Variants in TNPO1 observed in about 807,000 individuals in gnomAD.
The protein encoded by TNPO1 is transportin-1.
In TNPO1, 8 loss-of-function variants were observed where a neutral mutation model predicts 119.5. The observed-to-expected ratio is 0.07, with a 90% CI of 0.04 to 0.12. The LOEUF (loss-of-function observed/expected upper bound fraction) is 0.12, where lower values mean the gene tolerates loss of function less well. TNPO1 is among the 10% of genes least tolerant of loss of function. The probability of loss-of-function intolerance (pLI) is 1.00; values close to 1 mark genes in which losing one functional copy is unlikely to be tolerated. For missense variants in TNPO1, 576 were observed against 1,089.8 expected (o/e 0.53, Z 6.64); for synonymous variants, 362 against 363.0 (o/e 1.00, Z 0.03).
At chr5:72,900,144 CT>C in intron 21 of TNPO1, 63 bp downstream of exon 21, 1 of 1,386,282 alleles carries the variant, frequency 7.2e-7, no homozygotes, top group South Asian at 1.2e-5. Flanking sequence ...CTCTATCTCA[CT>C]TTTAGATATA....
Position 72,887,062 on chromosome 5 carries a change from T to C in TNPO1, c.1151-8T>C, listed in dbSNP as rs761629248. ...AATGTAATATTTTTGAATTAAATAT[T>C]TCCTTAGGAAAATGTTCTGCTGCTG... On this transcript the variant is annotated splice_region_variant and splice_polypyrimidine_tract_variant and intron_variant, in intron 11 of 24. Coordinates refer to ENST00000337273, the MANE Select transcript of TNPO1 (RefSeq NM_002270.4). 3 of 1,601,746 alleles carry C rather than the reference T, an allele frequency of 1.9e-6. No individual in the cohort carries two copies. The highest frequency in any genetic ancestry group is 2.6e-6 in the Non-Finnish European group (3 of 1,174,422).
chr5:72,845,467 T>C (rs886895792), intron 1 of TNPO1, among the ~76,000 whole-genome samples: 1 of 152,126 alleles, frequency 6.6e-6, no homozygotes, highest in Non-Finnish European at 1.5e-5. Flanking sequence ...TTTTAAAATA[T>C]GGTAAGTTTT....
Position 72,834,728 on chromosome 5 carries a change from AC to A in TNPO1, c.16-13656del, listed in dbSNP as rs542697333. Among the ~76,000 whole-genome samples the A allele has an allele frequency of 2.0e-5, 3 of 152,328 alleles. No individual in the cohort carries two copies. The South Asian group carries it at 6.2e-4, about 32-fold the overall frequency. The stretch of plus-strand genomic sequence containing the variant: ...TGAAGAAAGAAATTGTTGTTTAAGT[AC>A]AGTAGTGTACAGTATTGTCCTAGGC... On this transcript the variant is annotated intron_variant, in intron 1 of 24. Transcript: ENST00000337273.
chr5:72,823,435 G>C (rs1054257688), intron 1 of TNPO1, among the ~76,000 whole-genome samples: 1 of 151,874 alleles, frequency 6.6e-6, no homozygotes, highest in Admixed American at 6.6e-5. Context: ...TGATACCCTC[G>C]TGCACTGTCA....
intron 18 of TNPO1, among the ~76,000 whole-genome samples, chr5:72,894,780 C>T (rs1053242292): frequency 1.3e-5 from 2 of 152,126 alleles, no homozygotes; most frequent in Non-Finnish European, 2.9e-5. Flanking sequence ...AAAAAACTAA[C>T]ATAATTAACA....
chr5:72,882,655 A>G (rs1748331703), intron 10 of TNPO1, 128 bp downstream of exon 10: 3 of 615,726 alleles, frequency 4.9e-6, no homozygotes, highest in Middle Eastern at 2.9e-4. Flanking sequence ...TATCCATAAT[A>G]GGATAGAAGC....
In TNPO1 at chr5:72,908,927, C is replaced by T. The variant is rs763758149; in HGVS notation, c.*254C>T. 9 of 450,942 alleles carry T rather than the reference C, an allele frequency of 2.0e-5. No homozygotes were observed. The highest frequency in any genetic ancestry group is 4.7e-5 in the South Asian group (3 of 63,718). 27.9% of individuals were successfully genotyped at this position (450,942 alleles called of 1,614,324 possible). On this transcript the variant is annotated 3_prime_UTR_variant, in exon 25 of 25. Coordinates refer to ENST00000337273, the MANE Select transcript of TNPO1 (RefSeq NM_002270.4). ...GGAAATATGTCTCCAGTTACAACTC[C>T]GCAGTGGATGTGAAGAAGCAAAAAA...
chr5:72,870,412 G>A (rs1005019554), intron 6 of TNPO1, among the ~76,000 whole-genome samples: 1 of 152,016 alleles, frequency 6.6e-6, no homozygotes, highest in African/African-American at 2.4e-5. Flanking sequence ...TCCGCCCACC[G>A]TAGCCTCCCA....
chr5:72,873,963 T>C (rs992416158), intron 7 of TNPO1, among the ~76,000 whole-genome samples: 5 of 152,170 alleles, frequency 3.3e-5, no homozygotes, highest in African/African-American at 1.2e-4. Flanking sequence ...TATTACTCTT[T>C]CACAGTTTAA....
intron 6 of TNPO1, among the ~76,000 whole-genome samples, chr5:72,872,132 C>T (rs1747448516): frequency 6.6e-6 from 1 of 152,082 alleles, no homozygotes; most frequent in Non-Finnish European, 1.5e-5. Flanking sequence ...TTCATTAACC[C>T]TGGTAAGAGA....
chr5:72,824,883 A>T (rs1251419091), intron 1 of TNPO1, among the ~76,000 whole-genome samples: 1 of 152,158 alleles, frequency 6.6e-6, no homozygotes, highest in Non-Finnish European at 1.5e-5. Context: ...CAAAGTCAGC[A>T]TATCCAAAAC....
intron 19 of TNPO1, among the ~76,000 whole-genome samples, 197 bp from the exon 20 acceptor site, chr5:72,896,859 C>A (rs1749469619): frequency 6.6e-6 from 1 of 152,158 alleles, no homozygotes; most frequent in Admixed American, 6.5e-5. Flanking sequence ...CGGAGCGAAA[C>A]TTTGTCTCAA....
chr5:72,878,612 G>A (rs1239070458), intron 9 of TNPO1: 3 of 162,806 alleles, frequency 1.8e-5, no homozygotes, highest in Non-Finnish European at 4.0e-5. Context: ...GGACGGTAAG[G>A]TTAAGCAAGG....
In TNPO1 at chr5:72,872,678, T is replaced by C; in HGVS notation, c.636T>C (p.Ser212=). The C allele has an allele frequency of 1.2e-6, 2 of 1,611,366 alleles. 1 individual carries two copies. Among genetic ancestry groups the C allele is most frequent in the South Asian group, 2.2e-5 (2 of 90,298 alleles). The change falls in exon 7 of 25, where the codon AGT becomes AGC. Residue 212 remains serine, a synonymous_variant. Transcript: ENST00000337273. ...CATGTGTCAATCAGTTTATCATCAG[T>C]AGGACTCAAGCTCTAATGTTGCACA... The part of the protein sequence containing the change: ...AVACVNQFII[S]RTQALMLHID...
chr5:72,889,838 G>A lies in TNPO1; in HGVS notation c.1582G>A (p.Ala528Thr), dbSNP rs372130347. The A allele has an allele frequency of 1.2e-6, 2 of 1,611,336 alleles. No homozygotes were observed. The highest frequency in any genetic ancestry group is 1.7e-6 in the Non-Finnish European group (2 of 1,179,368). Reference protein sequence around the residue: ...EACTELVPYLAYILDTLVFAF... With the variant: ...EACTELVPYLTYILDTLVFAF... ...TTGTACAGAACTTGTTCCTTACCTT[G>A]CTTATATACTTGATACCCTGGTCTT... Residue 528 changes from alanine to threonine, a missense_variant, in exon 14 of 25, where the codon GCT becomes ACT. This residue lies in a region of TNPO1 where 310 missense variants were observed against 583.0 expected (regional missense o/e 0.53). Coordinates refer to ENST00000337273, the MANE Select transcript of TNPO1 (RefSeq NM_002270.4).
chr5:72,880,187 C>G (rs530003260), intron 9 of TNPO1, among the ~76,000 whole-genome samples: 83 of 151,878 alleles, frequency 5.5e-4, no homozygotes, highest in Non-Finnish European at 1.0e-3. Context: ...GAGTGAGACC[C>G]TTTCTCAGAA....
intron 6 of TNPO1, among the ~76,000 whole-genome samples, chr5:72,870,833 T>C (rs950223749): frequency 1.3e-5 from 2 of 152,250 alleles, no homozygotes; most frequent in Non-Finnish European, 1.5e-5. Context: ...CTGTTCTTGA[T>C]TTAAAGGCCC....
chr5:72,889,482 T>C (rs1332287250), intron 13 of TNPO1, among the ~76,000 whole-genome samples: 1 of 152,198 alleles, frequency 6.6e-6, no homozygotes, highest in Non-Finnish European at 1.5e-5. Flanking sequence ...CCTCGGTTTT[T>C]TTTTTTAGCT....
rs888202816 is a variant in TNPO1 at position 72,912,241 on chromosome 5, A to G, written c.*3568A>G. On this transcript the variant is annotated 3_prime_UTR_variant, in exon 25 of 25. Transcript: ENST00000337273. The stretch of plus-strand genomic sequence containing the variant: ...TTAAAACACTTAACCAAGCCATTAC[A>G]TCTTAAAAACAAAACAAGTAGCATA... 6.6e-6 allele frequency: 1 copy of G among 152,524 alleles called. No individual in the cohort carries two copies. The highest frequency in any genetic ancestry group is 1.9e-4 in the East Asian group (1 of 5,192). 9.4% of individuals were successfully genotyped at this position (152,524 alleles called of 1,614,324 possible). A position where few individuals can be genotyped will look rare whatever the true frequency, so the allele number is the denominator to read the frequency against.
Sources: gnomAD v4.1 joint callset for allele counts (sites outside exome capture counted in the v4.1 genomes callset) on GRCh38, gnomAD v4.1.1 for gene constraint, gnomAD v4.1.1 regional missense constraint, MANE v1.5 for transcripts, NCBI Gene and HGNC (gene_info 2026-07-23, HGNC 2026-07-21) for gene names.